The following PI4KA variants were observed in gnomAD, a reference collection of about 807,000 sequenced individuals.
The protein encoded by PI4KA is phosphatidylinositol 4-kinase alpha, also known as PI4-kinase alpha.
In PI4KA, 122 loss-of-function variants were observed where a neutral mutation model predicts 271.4. That is an observed-to-expected ratio of 0.45 (90% CI 0.39 to 0.52). The LOEUF (loss-of-function observed/expected upper bound fraction) is 0.52. Among genes scored for constraint, PI4KA ranks in the 20% least tolerant of loss-of-function variants. The pLI is 0.00. For missense variants in PI4KA, 1,969 were observed against 2,769.1 expected, an observed-to-expected ratio of 0.71 and a Z score of 6.48; for synonymous variants, 1,041 against 1,078.8, an observed-to-expected ratio of 0.96 and a Z score of 0.69.
At chr22:20,733,651 T>C in intron 35 of PI4KA, 85 bp downstream of exon 35, 1 of 1,608,578 alleles carries the variant, frequency 6.2e-7, no homozygotes, top group Non-Finnish European at 8.5e-7. Flanking sequence ...TTCCTGTGAG[T>C]GACTTCCTGG....
Position 20,779,431 on chromosome 22 carries a change from C to T in PI4KA, c.2329-13738G>A, listed in dbSNP as rs751166908. 21 of 1,614,194 alleles carry T rather than the reference C, an allele frequency of 1.3e-5. No homozygotes were observed. In the South Asian group the frequency reaches 2.2e-4, roughly 17 times the overall value. ...GGGGAAACTGCTCAGTCTGCAGATC[C>T]CCAGTGGGAGCAGTTAAATAACAAA... On this transcript the variant is annotated intron_variant, in intron 19 of 54. Transcript: ENST00000255882.
Position 20,838,744 on chromosome 22 carries a change from A to ACC in PI4KA, c.157-15_157-14dup. 6.7e-7 allele frequency: 1 copy of ACC among 1,494,558 alleles called. No individual in the cohort carries two copies. The highest frequency in any genetic ancestry group is 9.3e-7 in the Non-Finnish European group (1 of 1,074,696). The allele number at this position is 1,494,558 out of a possible 1,614,324, so 92.6% of individuals were successfully genotyped here. A position where few individuals can be genotyped will look rare whatever the true frequency, so the allele number is the denominator to read the frequency against. ...GAAGCTTTTGGACCTAGAAAATGAG[A>ACC]CCCCCCCAAAAACAGCTCTACAAAA... On this transcript the variant is annotated splice_polypyrimidine_tract_variant and intron_variant, in intron 1 of 54. Transcript: ENST00000255882.
chr22:20,731,654 G>A (rs1381150044), intron 36 of PI4KA, among the ~76,000 whole-genome samples: 1 of 152,230 alleles, frequency 6.6e-6, no homozygotes, highest in Non-Finnish European at 1.5e-5. Flanking sequence ...AATTGGCCGG[G>A]CACGGTGGCT....
chr22:20,778,302 A>G (rs1265417879), intron 19 of PI4KA, among the ~76,000 whole-genome samples: 1 of 152,078 alleles, frequency 6.6e-6, no homozygotes, highest in African/African-American at 2.4e-5. Context: ...GGAGTTTGAG[A>G]CCAGCCTGGC....
At chr22:20,760,616 G>A (rs1200744799) in intron 23 of PI4KA, among the ~76,000 whole-genome samples, 1 of 152,160 alleles carries the variant, frequency 6.6e-6, no homozygotes, top group Non-Finnish European at 1.5e-5. Flanking sequence ...AAACAATCTA[G>A]AGGACACTTC....
chr22:20,833,909 C>T (rs1924540703), intron 3 of PI4KA, among the ~76,000 whole-genome samples: 1 of 151,998 alleles, frequency 6.6e-6, no homozygotes, highest in Non-Finnish European at 1.5e-5. Context: ...ACACCCGCCT[C>T]GGCCTCCCAA....
chr22:20,813,153 G>A (rs1921288261), intron 8 of PI4KA, among the ~76,000 whole-genome samples: 1 of 152,096 alleles, frequency 6.6e-6, no homozygotes, highest in Non-Finnish European at 1.5e-5. Flanking sequence ...CCCCAACATG[G>A]TTGCTCAAGA....
intron 19 of PI4KA, among the ~76,000 whole-genome samples, chr22:20,785,067 CTT>C (rs1555894632): frequency 3.3e-4 from 45 of 134,378 alleles, no homozygotes; most frequent in Middle Eastern, 3.8e-3. Context: ...GGGACTGCAT[CTT>C]TTTTTTTTTT....
intron 19 of PI4KA, among the ~76,000 whole-genome samples, chr22:20,782,214 C>T (rs921341548): frequency 3.9e-5 from 6 of 152,266 alleles, no homozygotes; most frequent in African/African-American, 1.4e-4. Context: ...CAGGGACAGG[C>T]AGAGAAGTAC....
At chr22:20,711,235 T>A in intron 51 of PI4KA, 106 bp downstream of exon 51, 1 of 673,036 alleles carries the variant, frequency 1.5e-6, no homozygotes, top group Non-Finnish European at 2.5e-6. Context: ...CTGACACTCC[T>A]GGCAGGGTGG....
chr22:20,759,269 C>A (rs1931684812), intron 23 of PI4KA, among the ~76,000 whole-genome samples: 1 of 152,184 alleles, frequency 6.6e-6, no homozygotes, highest in East Asian at 1.9e-4. Context: ...GTCTTAAACT[C>A]CTGGCCTCAA....
intron 1 of PI4KA, among the ~76,000 whole-genome samples, chr22:20,853,350 T>A (rs558461018): frequency 1.3e-5 from 2 of 152,044 alleles, no homozygotes; most frequent in South Asian, 4.2e-4. Flanking sequence ...AAAGGAAGAT[T>A]AACCAGGCAG....
At chr22:20,774,050 A>G (rs1933047629) in intron 19 of PI4KA, 1 of 152,214 alleles carries the variant, frequency 6.6e-6, no homozygotes, top group South Asian at 2.1e-4. Context: ...TTTGGAAAAT[A>G]TGCAGCAACA....
intron 19 of PI4KA, among the ~76,000 whole-genome samples, chr22:20,768,075 C>A (rs1021699613): frequency 3.9e-5 from 6 of 152,064 alleles, no homozygotes; most frequent in African/African-American, 9.7e-5. Flanking sequence ...CCACTTCACA[C>A]TTGCAGGGCT....
In PI4KA at chr22:20,799,778, G is replaced by C; in HGVS notation, c.1725-12C>G. ...CAGCCTTCAGGCACCTGAGGAGCAA[G>C]AAAACCCATGTGGCACTGAGGCATC... is the stretch of plus-strand genomic sequence containing the variant. On this transcript the variant is annotated splice_polypyrimidine_tract_variant and intron_variant, in intron 14 of 54. Transcript: ENST00000255882. The C allele has an allele frequency of 6.6e-7, 1 of 1,526,716 alleles. No individual in the cohort carries two copies. Among genetic ancestry groups the C allele is most frequent in the Non-Finnish European group, 8.9e-7 (1 of 1,125,804 alleles). 94.6% of individuals were successfully genotyped at this position (1,526,716 alleles called of 1,614,324 possible).
rs557900231 is a variant in PI4KA at position 20,741,318 on chromosome 22, A to C, written c.3741+910T>G. On this transcript the variant is annotated intron_variant, in intron 32 of 54. Coordinates refer to ENST00000255882, the MANE Select transcript of PI4KA (RefSeq NM_058004.4). ...GCTCTTGTAATGATGTCCACCATGCAGGTGAGGAGCCCCGCCCAGGAATCA... is the reference window on the plus strand; with the variant it reads ...GCTCTTGTAATGATGTCCACCATGCCGGTGAGGAGCCCCGCCCAGGAATCA... Among the ~76,000 whole-genome samples, 5 of 152,318 alleles carry C rather than the reference A, an allele frequency of 3.3e-5. No homozygotes were observed. The South Asian group carries it at 1.0e-3, about 32-fold the overall frequency.
chr22:20,767,313 A>T (rs1932624059), intron 19 of PI4KA, among the ~76,000 whole-genome samples: 1 of 151,962 alleles, frequency 6.6e-6, no homozygotes, highest in African/African-American at 2.4e-5. Context: ...GCGTGGTGGC[A>T]GGCGCCTATA....
Position 20,724,464 on chromosome 22 carries a change from C to T in PI4KA, c.4995+2024G>A, listed in dbSNP as rs536995983. On this transcript the variant is annotated intron_variant, in intron 42 of 54. Transcript: ENST00000255882. ...TCCACTAAAAATACAAAAAATAAGC[C>T]GGGCGTGGTGGCATGCACCTTCAAT... Among the ~76,000 whole-genome samples, 6 of 151,714 alleles carry T rather than the reference C, an allele frequency of 4.0e-5. No homozygotes were observed. The South Asian group carries it at 6.2e-4, about 16-fold the overall frequency.
At chr22:20,725,492 A>G (rs970152597) in intron 42 of PI4KA, 1 of 446,140 alleles carries the variant, frequency 2.2e-6, no homozygotes, top group African/African-American at 2.0e-5. Context: ...AATGAGGTCA[A>G]TAGGGTGGGT....
Sources: allele counts gnomAD v4.1 joint callset (sites outside exome capture counted in the v4.1 genomes callset), GRCh38; gene constraint gnomAD v4.1.1; transcripts MANE v1.5; gene names NCBI Gene and HGNC (gene_info 2026-07-23, HGNC 2026-07-21).